EXOC4: variants seen among roughly 807,000 people sequenced by gnomAD.
EXOC4 encodes the protein exocyst complex component 4, also known as SEC8-like 1.
Under a neutral mutation model 107.2 loss-of-function variants are expected in EXOC4, and 71 were observed. That is an observed-to-expected ratio of 0.66 (90% confidence interval 0.55 to 0.81). The LOEUF (loss-of-function observed/expected upper bound fraction) is 0.81, where lower values mean the gene tolerates loss of function less well. EXOC4 is among the 30% of genes least tolerant of loss of function. EXOC4 has a pLI of 0.00. For synonymous variants in EXOC4, 456 were observed against 441.2 expected, an observed-to-expected ratio of 1.03 and a Z score of -0.42; for missense variants, 1,108 against 1,189.6, an observed-to-expected ratio of 0.93 and a Z score of 1.01.
chr7:133,506,825 A>G (rs2150893728), intron 9 of EXOC4, among the ~76,000 whole-genome samples: 1 of 152,092 alleles, frequency 6.6e-6, no homozygotes. Flanking sequence ...GGTTTAGCAT[A>G]TTTTTTGCAT....
chr7:133,627,880 A>G (rs1563132182), intron 9 of EXOC4, among the ~76,000 whole-genome samples: 1 of 152,188 alleles, frequency 6.6e-6, no homozygotes, highest in African/African-American at 2.4e-5. Context: ...TAGTTGGTAG[A>G]AACAACTGAT....
At chr7:133,832,560 A>C (rs368403529) in intron 11 of EXOC4, among the ~76,000 whole-genome samples, 4 of 152,340 alleles carry the variant, frequency 2.6e-5, no homozygotes, top group African/African-American at 9.6e-5. Flanking sequence ...TACAAGAAGT[A>C]GCTTTTTCAG....
At chr7:133,639,864 A>G (rs1432869331) in intron 10 of EXOC4, among the ~76,000 whole-genome samples, 1 of 152,172 alleles carries the variant, frequency 6.6e-6, no homozygotes, top group African/African-American at 2.4e-5. Flanking sequence ...TTGTAAATAC[A>G]TGAGAAAGTA....
At chr7:133,859,036 G>A (rs955835885) in intron 11 of EXOC4, among the ~76,000 whole-genome samples, 2 of 152,086 alleles carry the variant, frequency 1.3e-5, no homozygotes, top group African/African-American at 4.8e-5. Flanking sequence ...ACCCCACCCA[G>A]TGGCACCAAT....
intron 9 of EXOC4, among the ~76,000 whole-genome samples, chr7:133,482,231 T>C (rs370530521): frequency 2.0e-5 from 3 of 152,156 alleles, no homozygotes; most frequent in Admixed American, 6.5e-5. Flanking sequence ...CCCAGCTAAA[T>C]TGAGTGGAAA....
intron 4 of EXOC4, among the ~76,000 whole-genome samples, chr7:133,313,647 A>G (rs577236274): frequency 6.6e-6 from 1 of 152,328 alleles, no homozygotes; most frequent in African/African-American, 2.4e-5. Flanking sequence ...TAGATGTTTA[A>G]TAAGCTGTCA....
intron 1 of EXOC4, among the ~76,000 whole-genome samples, chr7:133,273,978 G>T (rs1793932189): frequency 6.6e-6 from 1 of 151,980 alleles, no homozygotes; most frequent in Admixed American, 6.6e-5. Context: ...AAGAGGAAAA[G>T]GTTCCTTTGT....
At chr7:133,856,640 A>C (rs1798379299) in intron 11 of EXOC4, among the ~76,000 whole-genome samples, 1 of 152,176 alleles carries the variant, frequency 6.6e-6, no homozygotes, top group Non-Finnish European at 1.5e-5. Flanking sequence ...TATCATTTAC[A>C]TTTATAATAA....
intron 1 of EXOC4, chr7:133,253,655 A>G (rs1280983781): frequency 6.2e-6 from 2 of 320,980 alleles, no homozygotes; most frequent in East Asian, 1.7e-4. Flanking sequence ...GATACTTTCA[A>G]CCACCTGTGC....
At chr7:133,424,485 A>G (rs1797679821) in intron 7 of EXOC4, among the ~76,000 whole-genome samples, 1 of 151,970 alleles carries the variant, frequency 6.6e-6, no homozygotes. Context: ...CTCCGGACAC[A>G]CCATCTTTAA....
chr7:133,758,326 A>G (rs962433581), intron 10 of EXOC4, among the ~76,000 whole-genome samples: 2 of 152,034 alleles, frequency 1.3e-5, no homozygotes, highest in East Asian at 3.9e-4. Flanking sequence ...TTTAATAGAG[A>G]TGGGGTTTCA....
At chr7:133,456,518 C>T (rs182505494) in intron 7 of EXOC4, among the ~76,000 whole-genome samples, 61 of 152,278 alleles carry the variant, frequency 4.0e-4, no homozygotes, top group Non-Finnish European at 5.9e-5. Context: ...TGGTAAATAA[C>T]AGTAAGCCAC....
At chr7:133,784,618 G>A (rs1419208365) in intron 10 of EXOC4, among the ~76,000 whole-genome samples, 2 of 152,182 alleles carry the variant, frequency 1.3e-5, no homozygotes, top group African/African-American at 4.8e-5. Context: ...ACATCACTGA[G>A]TCTTAAATGC....
At chr7:133,564,146 AAG>A (rs879823231) in intron 9 of EXOC4, among the ~76,000 whole-genome samples, 5 of 152,200 alleles carry the variant, frequency 3.3e-5, no homozygotes, top group South Asian at 2.1e-4. Flanking sequence ...TATAAAGAAA[AAG>A]AGATTTAATT....
intron 10 of EXOC4, among the ~76,000 whole-genome samples, chr7:133,698,579 A>AG (rs1562913281): frequency 1.3e-5 from 2 of 151,714 alleles, no homozygotes; most frequent in Non-Finnish European, 2.9e-5. Context: ...GGTGTCAAAA[A>AG]AAAAAAAAAT....
At chr7:133,561,522 A>G (rs1343755590) in intron 9 of EXOC4, among the ~76,000 whole-genome samples, 2 of 152,194 alleles carry the variant, frequency 1.3e-5, no homozygotes, top group Non-Finnish European at 1.5e-5. Flanking sequence ...TCATTTTTAA[A>G]TGCTATTTCT....
At position 134,036,025 on chromosome 7, in the gene EXOC4, G is replaced by C. The variant is rs182928682; in HGVS notation, c.2687+28190G>C. Among the ~76,000 whole-genome samples, 19 of 152,240 alleles carry C rather than the reference G, an allele frequency of 1.2e-4. 1 individual carries two copies. Among genetic ancestry groups the C allele is most frequent in the African/African-American group, 3.4e-4 (14 of 41,530 alleles). Reference sequence around the variant, plus strand: ...ACTCTTCAGCAGATTTGATTTGGTGGAAGTCCCTGGAAATAGCAATTTGTA... The same window carrying C: ...ACTCTTCAGCAGATTTGATTTGGTGCAAGTCCCTGGAAATAGCAATTTGTA... On this transcript the variant is annotated intron_variant, in intron 17 of 17. Transcript: ENST00000253861.
chr7:133,818,334 G>C (rs1259451366), intron 11 of EXOC4, among the ~76,000 whole-genome samples: 1 of 152,162 alleles, frequency 6.6e-6, no homozygotes, highest in African/African-American at 2.4e-5. Flanking sequence ...TGTACAATAT[G>C]AGACTATTCA....
At chr7:133,525,013 A>C (rs1159565219) in intron 9 of EXOC4, among the ~76,000 whole-genome samples, 1 of 152,166 alleles carries the variant, frequency 6.6e-6, no homozygotes, top group Non-Finnish European at 1.5e-5. Flanking sequence ...CTCTATTGTC[A>C]GTGCATTTGA....
Sources: gnomAD v4.1 joint callset for allele counts (sites outside exome capture counted in the v4.1 genomes callset) on GRCh38, gnomAD v4.1.1 for gene constraint, MANE v1.5 for transcripts, NCBI Gene and HGNC (gene_info 2026-07-23, HGNC 2026-07-21) for gene names.